The following TMEM87B variants were observed in gnomAD, a reference collection of about 807,000 sequenced individuals.
The protein encoded by TMEM87B is transmembrane protein 87B.
Under a neutral mutation model 80.3 loss-of-function variants are expected in TMEM87B, and 83 were observed. The ratio of observed to expected loss-of-function variants is 1.03; its 90% CI spans 0.87 to 1.24. The LOEUF is 1.24. Ranked by LOEUF, TMEM87B falls within the 50% of genes most tolerant of loss-of-function variation. The pLI is 0.00. For synonymous variants in TMEM87B, 219 were observed against 230.5 expected, an observed-to-expected ratio of 0.95 and a Z score of 0.45; for missense variants, 625 against 674.4, an observed-to-expected ratio of 0.93 and a Z score of 0.81.
chr2:112,069,274 G>A (rs1678553195), intron 4 of TMEM87B, among the ~76,000 whole-genome samples: 1 of 149,550 alleles, frequency 6.7e-6, no homozygotes, highest in African/African-American at 2.5e-5. Flanking sequence ...CAGGTACTAA[G>A]TTTAGTACCC....
intron 8 of TMEM87B, among the ~76,000 whole-genome samples, chr2:112,085,776 C>A (rs1679125523): frequency 6.6e-6 from 1 of 152,216 alleles, no homozygotes; most frequent in South Asian, 2.1e-4. Flanking sequence ...TAGAAGAAAG[C>A]TGTGCCCAGT....
At chr2:112,061,677 C>A (rs933980753) in intron 2 of TMEM87B, among the ~76,000 whole-genome samples, 5 of 152,138 alleles carry the variant, frequency 3.3e-5, no homozygotes, top group African/African-American at 1.2e-4. Context: ...TAACGTCAGC[C>A]ACTGAAACAG....
At chr2:112,106,531 C>CTT (rs1448233300) in intron 16 of TMEM87B, among the ~76,000 whole-genome samples, 1 of 151,078 alleles carries the variant, frequency 6.6e-6, no homozygotes, top group African/African-American at 2.4e-5. Flanking sequence ...TGGTAAAGAA[C>CTT]TTTATGTGTT....
chr2:112,087,757 C>T (rs1679189152), intron 9 of TMEM87B, among the ~76,000 whole-genome samples: 1 of 152,166 alleles, frequency 6.6e-6, no homozygotes, highest in Non-Finnish European at 1.5e-5. Flanking sequence ...TTCACCTTTC[C>T]CCTGTGCAGC....
At chr2:112,067,334 G>A (rs573536680) in intron 4 of TMEM87B, among the ~76,000 whole-genome samples, 12 of 152,286 alleles carry the variant, frequency 7.9e-5, no homozygotes, top group East Asian at 1.9e-4. Context: ...GTGGCTGGGC[G>A]CGGTGGCTCA....
At position 112,116,832 on chromosome 2, in the gene TMEM87B, C is replaced by T. The variant is rs945675851; in HGVS notation, c.*689C>T. ...GAGAGAGATGTCTTGAGGGTCACTACCAAAGAATTACCCTCATTGTCCCTC... is the reference window on the plus strand; with the variant it reads ...GAGAGAGATGTCTTGAGGGTCACTATCAAAGAATTACCCTCATTGTCCCTC... On this transcript the variant is annotated 3_prime_UTR_variant, in exon 19 of 19. Coordinates refer to ENST00000283206, the MANE Select transcript of TMEM87B (RefSeq NM_032824.3). 5.2e-5 allele frequency: 8 copies of T among 152,382 alleles called. No individual in the cohort carries two copies. The highest frequency in any genetic ancestry group is 1.9e-4 in the African/African-American group (8 of 41,376). 9.4% of individuals were successfully genotyped at this position (152,382 alleles called of 1,614,324 possible).
At position 112,091,393 on chromosome 2, in the gene TMEM87B, A is replaced by G. The variant is rs570916297; in HGVS notation, c.1033-319A>G. The stretch of plus-strand genomic sequence containing the variant: ...GGAAAGATCGGGAGTTCGTTTCATT[A>G]ATAGCCCTGGCTGTCGGTTTGGTAT... On this transcript the variant is annotated intron_variant, in intron 10 of 18. Transcript: ENST00000283206. Among the ~76,000 whole-genome samples, 8 of 152,340 alleles carry G rather than the reference A, an allele frequency of 5.3e-5. No individual in the cohort carries two copies. In the South Asian group the frequency reaches 1.7e-3, roughly 32 times the overall value.
At chr2:112,071,160 CTG>C (rs1054250708) in intron 4 of TMEM87B, among the ~76,000 whole-genome samples, 4 of 152,052 alleles carry the variant, frequency 2.6e-5, no homozygotes, top group African/African-American at 9.6e-5. Flanking sequence ...TGTGTCATCT[CTG>C]ATTTCTTTGA....
rs1680055312 is a variant in TMEM87B at position 112,117,480 on chromosome 2, T to A, written c.*1337T>A. 1 of 152,240 alleles carries A rather than the reference T, an allele frequency of 6.6e-6. No homozygotes were observed. The highest frequency in any genetic ancestry group is 6.5e-5 in the Admixed American group (1 of 15,284). The allele number at this position is 152,240 out of a possible 1,614,324, so 9.4% of individuals were successfully genotyped here. Reference sequence around the variant, plus strand: ...AAAGCCTACCTTCTGAATTTATTTCTTGTTTACTCATTTCAGAGAGGGTAG... The same window carrying A: ...AAAGCCTACCTTCTGAATTTATTTCATGTTTACTCATTTCAGAGAGGGTAG... On this transcript the variant is annotated 3_prime_UTR_variant, in exon 19 of 19. Transcript: ENST00000283206.
intron 1 of TMEM87B, among the ~76,000 whole-genome samples, chr2:112,056,020 T>C (rs541122910): frequency 2.6e-5 from 4 of 152,084 alleles, no homozygotes; most frequent in Non-Finnish European, 5.9e-5. Flanking sequence ...TTACTGAGGG[T>C]CACCATGCCC....
rs1194486824 is a variant in TMEM87B at position 112,064,245 on chromosome 2, A to G, written c.310A>G (p.Asn104Asp). 1 of 1,613,492 alleles carries G rather than the reference A, an allele frequency of 6.2e-7. No homozygotes were observed. Among genetic ancestry groups the G allele is most frequent in the East Asian group, 2.2e-5 (1 of 44,784 alleles). Residue 104 changes from asparagine (N) to aspartate (D), a missense_variant, in exon 3 of 19, where the codon AAT becomes GAT. By Grantham distance (23) the Asn-to-Asp change is conservative. Coordinates refer to ENST00000283206, the MANE Select transcript of TMEM87B (RefSeq NM_032824.3). ...TCATACCTGTCACAATGAGCATTCT[A>G]ATCTGGAAGTAAGTAAAACACAAGT... The part of the protein sequence containing the change: ...KYHTCHNEHS[N>D]LEELFQKHKL...
At chr2:112,069,974 T>C (rs1678573051) in intron 4 of TMEM87B, among the ~76,000 whole-genome samples, 1 of 152,238 alleles carries the variant, frequency 6.6e-6, no homozygotes, top group African/African-American at 2.4e-5. Flanking sequence ...ATGTCTTCCT[T>C]TGAAAAATGT....
Position 112,112,894 on chromosome 2 carries a change from T to G in TMEM87B, c.1578-5T>G. On this transcript the variant is annotated splice_polypyrimidine_tract_variant and splice_region_variant and intron_variant, in intron 17 of 18. Transcript: ENST00000283206. ...ATTATCACCTTTTTTTCCCTTTTATTTCAGAGCTCTTCCAGTGTTAGTGGA... is the reference window on the plus strand; with the variant it reads ...ATTATCACCTTTTTTTCCCTTTTATGTCAGAGCTCTTCCAGTGTTAGTGGA... 1.2e-6 allele frequency: 2 copies of G among 1,613,006 alleles called. No homozygotes were observed. The highest frequency in any genetic ancestry group is 1.7e-6 in the Non-Finnish European group (2 of 1,179,358).
intron 15 of TMEM87B, 33 bp from the exon 16 acceptor site, chr2:112,105,969 A>G: frequency 7.0e-7 from 1 of 1,426,660 alleles, no homozygotes; most frequent in Non-Finnish European, 9.5e-7. Context: ...TTATTTTGTG[A>G]TTTTATATAT....
chr2:112,095,547 T>C, intron 11 of TMEM87B: 1 of 796,932 alleles, frequency 1.3e-6, no homozygotes, highest in African/African-American at 1.9e-5. Flanking sequence ...TAGTCAAGAA[T>C]TGTTAAAAGT....
intron 2 of TMEM87B, among the ~76,000 whole-genome samples, chr2:112,060,490 G>T (rs1678217793): frequency 6.6e-6 from 1 of 151,446 alleles, no homozygotes; most frequent in Non-Finnish European, 1.5e-5. Flanking sequence ...ACATTTTAAG[G>T]TTTTGTTTTG....
intron 17 of TMEM87B, among the ~76,000 whole-genome samples, chr2:112,111,591 A>G (rs1270814831): frequency 6.6e-6 from 1 of 152,234 alleles, no homozygotes. Flanking sequence ...AAACTTTAAC[A>G]CAAGAAATGT....
intron 4 of TMEM87B, among the ~76,000 whole-genome samples, chr2:112,072,217 A>G (rs1225572770): frequency 6.6e-6 from 1 of 152,186 alleles, no homozygotes; most frequent in Non-Finnish European, 1.5e-5. Flanking sequence ...ATCAGTGTTC[A>G]TCAAAGATAT....
Position 112,059,991 on chromosome 2 carries a change from G to T in TMEM87B, c.180G>T (p.Leu60Phe). Residue 60 changes from leucine to phenylalanine, a missense_variant, in exon 2 of 19, where the codon TTG becomes TTT. Leu to Phe is a conservative substitution (Grantham distance 22). Coordinates refer to ENST00000283206, the MANE Select transcript of TMEM87B (RefSeq NM_032824.3). ...TTTCATTTTAGAAATCAGGACCTTTGATATTTAGGAAAACTATGTTTAACT... is the reference window on the plus strand; with the variant it reads ...TTTCATTTTAGAAATCAGGACCTTTTATATTTAGGAAAACTATGTTTAACT... ...LETVNDKSGP[L>F]IFRKTMFNST... 1 of 1,592,714 alleles carries T rather than the reference G, an allele frequency of 6.3e-7. No individual in the cohort carries two copies.
Sources: gnomAD v4.1 joint callset for allele counts (sites outside exome capture counted in the v4.1 genomes callset) on GRCh38, gnomAD v4.1.1 for gene constraint, MANE v1.5 for transcripts, NCBI Gene and HGNC (gene_info 2026-07-23, HGNC 2026-07-21) for gene names.